The following POGLUT2 variants were observed in gnomAD, a reference collection of about 807,000 sequenced individuals.
The protein encoded by POGLUT2 is protein O-glucosyltransferase 2, also known as ER protein 58.
In POGLUT2, 47 loss-of-function variants were observed where a neutral mutation model predicts 57.6. That is an observed-to-expected ratio of 0.82 (90% CI 0.65 to 1.04). POGLUT2 has a LOEUF of 1.04. POGLUT2 is among the 50% of genes least tolerant of loss of function. POGLUT2 has a pLI of 0.00. For synonymous variants in POGLUT2, 200 were observed against 218.8 expected (o/e 0.91, Z 0.76); for missense variants, 565 against 614.8 (o/e 0.92, Z 0.86).
Position 102,798,461 on chromosome 13 carries a change from A to G in POGLUT2, c.182+28T>C, listed in dbSNP as rs199619078. On this transcript the variant is annotated intron_variant, in intron 1 of 9. Coordinates refer to ENST00000376004, the MANE Select transcript of POGLUT2 (RefSeq NM_024089.3). ...GAAACAGATTTAACCGCCATCCAAA[A>G]TAGGTAAGGAGCCGTTTCTCGACTT... 8.5e-4 allele frequency: 1,288 copies of G among 1,510,612 alleles called. 3 individuals are homozygous for G. The highest frequency in any genetic ancestry group is 1.6e-3 in the Middle Eastern group (9 of 5,610). The allele number at this position is 1,510,612 out of a possible 1,614,324, so 93.6% of individuals were successfully genotyped here. A position where few individuals can be genotyped will look rare whatever the true frequency, so the allele number is the denominator to read the frequency against.
At position 102,787,890 on chromosome 13, in the gene POGLUT2, C is replaced by A. The variant is rs773815713; in HGVS notation, c.1327G>T (p.Ala443Ser). 6.3e-7 allele frequency: 1 copy of A among 1,591,656 alleles called. No homozygotes were observed. Among genetic ancestry groups the A allele is most frequent in the Non-Finnish European group, 8.6e-7 (1 of 1,164,360 alleles). ...TCATCGCCCATGAGATTATTTCTTGCAAATTCTTGTCCTGCTTTTGCTATC... is the reference window on the plus strand; with the variant it reads ...TCATCGCCCATGAGATTATTTCTTGAAAATTCTTGTCCTGCTTTTGCTATC... ...KKIAKAGQEF[A>S]RNNLMGDDIF... Residue 443 changes from alanine (A) to serine (S), a missense_variant, in exon 8 of 10, where the codon GCA becomes TCA. Coordinates refer to ENST00000376004, the MANE Select transcript of POGLUT2 (RefSeq NM_024089.3).
chr13:102,789,288 C>T, intron 6 of POGLUT2, 67 bp from the exon 7 acceptor site: 2 of 1,305,478 alleles, frequency 1.5e-6, no homozygotes, highest in Non-Finnish European at 2.2e-6. Flanking sequence ...ATTCTCCTTC[C>T]CATCCCACAC....
chr13:102,791,549 T>C, intron 4 of POGLUT2, 119 bp from the exon 5 acceptor site: 1 of 954,476 alleles, frequency 1.0e-6, no homozygotes, highest in African/African-American at 1.6e-5. Context: ...TTTCAGGTAA[T>C]AATAATTACC....
At position 102,786,218 on chromosome 13, in the gene POGLUT2, T is replaced by A; in HGVS notation, c.1491+14A>T. ...TTTTACTCTGACACCGGCCATAAGC[T>A]CAGTTCTGGTTACCTTTTTCCTATG... On this transcript the variant is annotated intron_variant, in intron 9 of 9. Coordinates refer to ENST00000376004, the MANE Select transcript of POGLUT2 (RefSeq NM_024089.3). The A allele has an allele frequency of 1.3e-6, 2 of 1,537,928 alleles. No individual in the cohort carries two copies. The highest frequency in any genetic ancestry group is 1.8e-6 in the Non-Finnish European group (2 of 1,110,842).
chr13:102,793,853 G>A, intron 2 of POGLUT2, 47 bp from the exon 3 acceptor site: 1 of 1,510,222 alleles, frequency 6.6e-7, no homozygotes, highest in Non-Finnish European at 9.2e-7. Flanking sequence ...ATTTCACTCA[G>A]CATTCGAAAC....
chr13:102,796,583 T>C (rs1359053978), intron 2 of POGLUT2, among the ~76,000 whole-genome samples: 1 of 150,652 alleles, frequency 6.6e-6, no homozygotes, highest in African/African-American at 2.4e-5. Context: ...TGTTCCTTGC[T>C]CTTTAGCAAA....
Position 102,798,560 on chromosome 13 carries a change from G to A in POGLUT2, c.111C>T (p.Pro37=), listed in dbSNP as rs1477176307. The change falls in exon 1 of 10, where the codon CCC becomes CCT. Residue 37 remains proline (P), a synonymous_variant. Transcript: ENST00000376004. The part of the protein sequence containing the change: ...LSPEKSEIWG[P]GLKADVVLPA... ...GAAGGACGACGTCTGCTTTTAGCCC[G>A]GGTCCCCATATTTCGCTCTTCTCCG... 6.2e-7 allele frequency: 1 copy of A among 1,613,084 alleles called. No individual in the cohort carries two copies. The highest frequency in any genetic ancestry group is 1.1e-5 in the South Asian group (1 of 90,948).
At position 102,796,858 on chromosome 13, in the gene POGLUT2, C is replaced by T. The variant is rs762688237; in HGVS notation, c.334G>A (p.Val112Met). The change falls in exon 2 of 10, where the codon GTG (valine) becomes ATG (methionine). Residue 112 changes from valine to methionine, a missense_variant. By Grantham distance (21) the Val-to-Met change is conservative. Coordinates refer to ENST00000376004, the MANE Select transcript of POGLUT2 (RefSeq NM_024089.3). Reference protein sequence around the residue: ...RMYASYKNLKVEIKFQGQHVA... With the variant: ...RMYASYKNLKMEIKFQGQHVA... ...TGTTGCCCTTGGAATTTAATTTCCA[C>T]CTTCAGATTTTTGTAGCTTGCATAC... 2 of 1,610,608 alleles carry T rather than the reference C, an allele frequency of 1.2e-6. No homozygotes were observed. Among genetic ancestry groups the T allele is most frequent in the Admixed American group, 1.7e-5 (1 of 59,992 alleles).
In POGLUT2 at chr13:102,784,455, C is replaced by T. The variant is rs753487983; in HGVS notation, c.*40G>A. The stretch of plus-strand genomic sequence containing the variant: ...ATTCTTCTTTTTAGTTAAGAAGAGT[C>T]TTCAGAGCACCATTATTCTAATAGA... On this transcript the variant is annotated 3_prime_UTR_variant, in exon 10 of 10. Transcript: ENST00000376004. 8 of 1,329,064 alleles carry T rather than the reference C, an allele frequency of 6.0e-6. No individual in the cohort carries two copies. Among genetic ancestry groups the T allele is most frequent in the Non-Finnish European group, 6.4e-6 (6 of 936,234 alleles). The allele number at this position is 1,329,064 out of a possible 1,614,324, so 82.3% of individuals were successfully genotyped here. A position where few individuals can be genotyped will look rare whatever the true frequency, so the allele number is the denominator to read the frequency against.
rs1458444862 is a variant in POGLUT2, at chr13:102,785,133, C to T, written c.1492-621G>A. ...TAATGAGTTCTATAAAAAACAAAGA[C>T]AAAAATAAAACAGCCAAAATTCTGA... On this transcript the variant is annotated intron_variant, in intron 9 of 9. Coordinates refer to ENST00000376004, the MANE Select transcript of POGLUT2 (RefSeq NM_024089.3). Among the ~76,000 whole-genome samples, 4 of 152,092 alleles carry T rather than the reference C, an allele frequency of 2.6e-5. No homozygotes were observed. The East Asian group carries it at 7.7e-4, about 29-fold the overall frequency.
intron 7 of POGLUT2, among the ~76,000 whole-genome samples, 199 bp from the exon 8 acceptor site, chr13:102,788,122 T>C (rs1234145264): frequency 6.6e-6 from 1 of 152,214 alleles, no homozygotes; most frequent in Non-Finnish European, 1.5e-5. Flanking sequence ...ACTTAAAAGT[T>C]TGAAAAGTCA....
chr13:102,794,714 A>G (rs893607724), intron 2 of POGLUT2, among the ~76,000 whole-genome samples: 1 of 152,170 alleles, frequency 6.6e-6, no homozygotes, highest in Non-Finnish European at 1.5e-5. Context: ...CTATGGTAAT[A>G]TTACAGCTCA....
chr13:102,797,512 G>A (rs1299878365), intron 1 of POGLUT2, among the ~76,000 whole-genome samples: 1 of 152,092 alleles, frequency 6.6e-6, no homozygotes, highest in Non-Finnish European at 1.5e-5. Flanking sequence ...AAGACTGCTT[G>A]AGGCCAGGAG....
Position 102,798,640 on chromosome 13 carries a change from A to T in POGLUT2, c.31T>A (p.Phe11Ile). 3.7e-6 allele frequency: 6 copies of T among 1,607,482 alleles called. No homozygotes were observed. The highest frequency in any genetic ancestry group is 5.1e-6 in the Non-Finnish European group (6 of 1,177,614). Reference sequence around the variant, plus strand: ...GCGAGTGCTGGAACTGTCGCCAGAAAGAAGCAATAAAGTAGCAAAGTGCCA... The same window carrying T: ...GCGAGTGCTGGAACTGTCGCCAGAATGAAGCAATAAAGTAGCAAAGTGCCA... Reference protein sequence around the residue: MFGTLLLYCFFLATVPALAET... With the variant: MFGTLLLYCFILATVPALAET... The change falls in exon 1 of 10, where the codon TTT (phenylalanine) becomes ATT (isoleucine). Residue 11 changes from phenylalanine to isoleucine, a missense_variant. Transcript: ENST00000376004.
chr13:102,791,651 C>T (rs1878184510), intron 4 of POGLUT2, among the ~76,000 whole-genome samples: 1 of 152,184 alleles, frequency 6.6e-6, no homozygotes, highest in Non-Finnish European at 1.5e-5. Context: ...CAAAAGTAAT[C>T]TCTGTTCTAA....
chr13:102,789,744 C>T (rs569377782), intron 6 of POGLUT2, among the ~76,000 whole-genome samples: 9 of 152,262 alleles, frequency 5.9e-5, no homozygotes, highest in South Asian at 2.1e-4. Flanking sequence ...ATTAGAGGCA[C>T]GCACCACCAC....
rs1878420410 is a variant in POGLUT2 at position 102,796,919 on chromosome 13, G to A, written c.273C>T (p.Asp91=). 1 of 1,612,428 alleles carries A rather than the reference G, an allele frequency of 6.2e-7. No homozygotes were observed. The highest frequency in any genetic ancestry group is 8.5e-7 in the Non-Finnish European group (1 of 1,178,604). Reference sequence around the variant, plus strand: ...TTACTATGAAGGACCCATCTTTTCGGTCTAAAACCTGGACTCCAACTCTAG... The same window carrying A: ...TTACTATGAAGGACCCATCTTTTCGATCTAAAACCTGGACTCCAACTCTAG... ...QFTRVGVQVL[D]RKDGSFIVRY... The change falls in exon 2 of 10, where the codon GAC becomes GAT. Residue 91 remains aspartate, a synonymous_variant. Coordinates refer to ENST00000376004, the MANE Select transcript of POGLUT2 (RefSeq NM_024089.3).
Position 102,796,814 on chromosome 13 carries a change from A to G in POGLUT2, c.378T>C (p.Tyr126=). 6.4e-7 allele frequency: 1 copy of G among 1,560,618 alleles called. No homozygotes were observed. Among genetic ancestry groups the G allele is most frequent in the Non-Finnish European group, 8.8e-7 (1 of 1,133,020 alleles). Residue 126 remains tyrosine (Y), a synonymous_variant, in exon 2 of 10, where the codon TAT becomes TAC. Transcript: ENST00000376004. ...FQGQHVAKSP[Y]ILKGPVYHEN... The stretch of plus-strand genomic sequence containing the variant: ...TATATTCCAAATTACCTTTTAAAAT[A>G]TATGGGGATTTGGCCACATGTTGCC...
chr13:102,794,399 C>T (rs531069751), intron 2 of POGLUT2, among the ~76,000 whole-genome samples: 3 of 151,234 alleles, frequency 2.0e-5, no homozygotes, highest in South Asian at 2.1e-4. Flanking sequence ...CAGTGGCTCA[C>T]GTCTGTAATA....
Sources: allele counts gnomAD v4.1 joint callset (sites outside exome capture counted in the v4.1 genomes callset), GRCh38; gene constraint gnomAD v4.1.1; transcripts MANE v1.5; gene names NCBI Gene and HGNC (gene_info 2026-07-23, HGNC 2026-07-21).